Variants in FBXL20 observed in about 807,000 individuals in gnomAD.
FBXL20 encodes F-box/LRR-repeat protein 20.
In FBXL20, 11 loss-of-function variants were observed where a neutral mutation model predicts 64.0. The ratio of observed to expected loss-of-function variants is 0.17; its 90% CI spans 0.11 to 0.28. The LOEUF (loss-of-function observed/expected upper bound fraction) is 0.28, where lower values mean the gene tolerates loss of function less well. Ranked by LOEUF, FBXL20 falls within the 10% of genes least tolerant of loss-of-function variation. The probability of loss-of-function intolerance (pLI) is 1.00; values close to 1 mark genes in which losing one functional copy is unlikely to be tolerated. For missense variants in FBXL20, 303 were observed against 526.2 expected (o/e 0.58, Z 4.15); for synonymous variants, 184 against 189.0 (o/e 0.97, Z 0.22).
At chr17:39,340,569 C>G (rs745325809) in intron 2 of FBXL20, among the ~76,000 whole-genome samples, 1 of 152,092 alleles carries the variant, frequency 6.6e-6, no homozygotes, top group Non-Finnish European at 1.5e-5. Context: ...ATTTTGATAA[C>G]TGATATTATT....
At chr17:39,332,502 T>C (rs1269330578) in intron 2 of FBXL20, among the ~76,000 whole-genome samples, 1 of 150,314 alleles carries the variant, frequency 6.7e-6, no homozygotes, top group African/African-American at 2.4e-5. Flanking sequence ...ATTTTACCTG[T>C]GCACCTTTCC....
intron 10 of FBXL20, among the ~76,000 whole-genome samples, chr17:39,271,372 C>T (rs566603430): frequency 1.3e-4 from 19 of 151,684 alleles, no homozygotes; most frequent in Admixed American, 9.9e-4. Context: ...CCGAGGTGGG[C>T]GGATCACCTG....
At chr17:39,355,357 C>T (rs1004811139) in intron 1 of FBXL20, among the ~76,000 whole-genome samples, 1 of 151,892 alleles carries the variant, frequency 6.6e-6, no homozygotes, top group Admixed American at 6.6e-5. Flanking sequence ...GGATTGCAGG[C>T]ATGAGCCACG....
intron 2 of FBXL20, among the ~76,000 whole-genome samples, chr17:39,335,898 C>T (rs780161568): frequency 2.0e-5 from 3 of 152,004 alleles, no homozygotes; most frequent in Non-Finnish European, 4.4e-5. Flanking sequence ...CCTAATACTT[C>T]GTGAGGCTAA....
chr17:39,264,241 A>T lies in FBXL20; in HGVS notation c.1137T>A (p.His379Gln). 6.2e-7 allele frequency: 1 copy of T among 1,614,204 alleles called. No homozygotes were observed. Among genetic ancestry groups the T allele is most frequent in the Non-Finnish European group, 8.5e-7 (1 of 1,180,040 alleles). The change falls in exon 14 of 15, where the codon CAT (histidine) becomes CAA (glutamine). Residue 379 changes from histidine (H) to glutamine (Q), a missense_variant. By Grantham distance (24) the His-to-Gln change is conservative (BLOSUM62 0). Coordinates refer to ENST00000264658, the MANE Select transcript of FBXL20 (RefSeq NM_032875.3). ...CATAGAGTTCTATCCGCTCAAGGCT[A>T]TGACAGCTCTTCAAGTGCTCCAGGG... is the stretch of plus-strand genomic sequence containing the variant. ...DASLEHLKSC[H>Q]SLERIELYDC...
chr17:39,324,008 A>ACCCCCC (rs138382317), intron 2 of FBXL20, among the ~76,000 whole-genome samples: 7 of 129,038 alleles, frequency 5.4e-5, no homozygotes, highest in African/African-American at 1.0e-4. Flanking sequence ...TCGTGATCCA[A>ACCCCCC]CCCCCTCCCC....
In FBXL20 at chr17:39,344,473, C is replaced by T. The variant is rs376948005; in HGVS notation, c.43-1232G>A. Among the ~76,000 whole-genome samples the T allele has an allele frequency of 2.0e-5, 3 of 151,956 alleles. No individual in the cohort carries two copies. The East Asian group carries it at 5.8e-4, about 29-fold the overall frequency. On this transcript the variant is annotated intron_variant, in intron 1 of 14. Coordinates refer to ENST00000264658, the MANE Select transcript of FBXL20 (RefSeq NM_032875.3). ...ACATTTACTTGCTCAAGGAGATGTT[C>T]GGAAATCTGGAATAGAAAATATTCA...
Position 39,252,786 on chromosome 17 carries a change from G to A in FBXL20, c.*8674C>T, listed in dbSNP as rs1219878334. 8.4e-6 allele frequency: 1 copy of A among 118,704 alleles called. No individual in the cohort carries two copies. Among genetic ancestry groups the A allele is most frequent in the Non-Finnish European group, 1.8e-5 (1 of 56,888 alleles). 7.4% of individuals were successfully genotyped at this position (118,704 alleles called of 1,614,324 possible). ...AAAAAACTTTTTTTTTTTTTTTTTA[G>A]TCCAAAGATTTTTAAAGCAAAAGGA... On this transcript the variant is annotated 3_prime_UTR_variant, in exon 15 of 15. Transcript: ENST00000264658.
intron 2 of FBXL20, among the ~76,000 whole-genome samples, chr17:39,326,470 A>T (rs1025347999): frequency 6.6e-6 from 1 of 151,706 alleles, no homozygotes; most frequent in Non-Finnish European, 1.5e-5. Flanking sequence ...AAAATACAAA[A>T]ATTAGCTGGG....
intron 7 of FBXL20, among the ~76,000 whole-genome samples, chr17:39,283,497 G>A (rs1018180389): frequency 6.6e-6 from 1 of 151,582 alleles, no homozygotes; most frequent in Non-Finnish European, 1.5e-5. Flanking sequence ...GTGCAGTGGC[G>A]CCATCAGGGC....
chr17:39,328,950 A>G (rs1597800546), intron 2 of FBXL20, among the ~76,000 whole-genome samples: 2 of 152,106 alleles, frequency 1.3e-5, no homozygotes, highest in South Asian at 4.1e-4. Context: ...GCTACTCAGG[A>G]GACAGAGGTG....
At chr17:39,334,134 C>T (rs1400666838) in intron 2 of FBXL20, among the ~76,000 whole-genome samples, 1 of 152,190 alleles carries the variant, frequency 6.6e-6, no homozygotes, top group Non-Finnish European at 1.5e-5. Context: ...AAGAAAAATT[C>T]TTCTGCCTTG....
chr17:39,330,194 G>A (rs1425982443), intron 2 of FBXL20, among the ~76,000 whole-genome samples: 2 of 152,066 alleles, frequency 1.3e-5, no homozygotes, highest in African/African-American at 2.4e-5. Context: ...CTACTCAGGA[G>A]GCTGAGGCAG....
At chr17:39,313,496 G>A (rs2047256001) in intron 2 of FBXL20, among the ~76,000 whole-genome samples, 1 of 152,110 alleles carries the variant, frequency 6.6e-6, no homozygotes, top group Admixed American at 6.6e-5. Context: ...GCCTCCCAAA[G>A]TGCTGGGATT....
At chr17:39,385,788 T>G (rs983893840) in intron 1 of FBXL20, among the ~76,000 whole-genome samples, 1 of 152,090 alleles carries the variant, frequency 6.6e-6, no homozygotes, top group South Asian at 2.1e-4. Flanking sequence ...TCCCAGCACT[T>G]TGGGAGGCCG....
intron 1 of FBXL20, among the ~76,000 whole-genome samples, chr17:39,366,276 A>T (rs1169770333): frequency 6.6e-6 from 1 of 152,198 alleles, no homozygotes; most frequent in African/African-American, 2.4e-5. Context: ...CATATAGGCT[A>T]TCATATTTTT....
At chr17:39,284,929 CCTTT>C (rs1394146487) in intron 7 of FBXL20, among the ~76,000 whole-genome samples, 12 of 96,624 alleles carry the variant, frequency 1.2e-4, no homozygotes, top group South Asian at 8.1e-4. Context: ...TAACACGTGC[CCTTT>C]CTTTCTTTTT....
At position 39,398,055 on chromosome 17, in the gene FBXL20, G is replaced by T. The variant is rs867032281; in HGVS notation, c.42+3306C>A. 9.1e-4 allele frequency among the ~76,000 whole-genome samples: 79 copies of T among 86,546 alleles called. 2 individuals carry two copies. The highest frequency in any genetic ancestry group is 5.4e-3 in the Middle Eastern group (1 of 186). The allele number at this position is 86,546 out of a possible 152,430, so 56.8% of individuals were successfully genotyped here. A position where few individuals can be genotyped will look rare whatever the true frequency, so the allele number is the denominator to read the frequency against. On this transcript the variant is annotated intron_variant, in intron 1 of 14. Coordinates refer to ENST00000264658, the MANE Select transcript of FBXL20 (RefSeq NM_032875.3). The stretch of plus-strand genomic sequence containing the variant: ...GGCCGGCGGGCGGGGGGGGGGGGGG[G>T]GTTGGATCACGAGGTCAGGAGCTCG...
chr17:39,298,433 A>G (rs1001297723), intron 5 of FBXL20, among the ~76,000 whole-genome samples: 1 of 152,092 alleles, frequency 6.6e-6, no homozygotes, highest in Non-Finnish European at 1.5e-5. Flanking sequence ...CTAAAAAAGA[A>G]CTAAGCTGGG....
Sources: gnomAD v4.1 joint callset for allele counts (sites outside exome capture counted in the v4.1 genomes callset) on GRCh38, gnomAD v4.1.1 for gene constraint, MANE v1.5 for transcripts, NCBI Gene and HGNC (gene_info 2026-07-23, HGNC 2026-07-21) for gene names.